CHD9NB: variants seen among roughly 807,000 people sequenced by gnomAD.
The protein encoded by CHD9NB is CHD9 neighbor.
At chr16:53,037,662 G>A in the CHD9NB span, among the ~76,000 whole-genome samples, 11 of 152,286 alleles carry the variant, frequency 7.2e-5, no homozygotes, top group East Asian at 2.1e-3. Context: ...TGTCAGATAA[G>A]GGAAGTTCAG....
At chr16:53,046,187 G>C in the CHD9NB span, among the ~76,000 whole-genome samples, 1 of 152,064 alleles carries the variant, frequency 6.6e-6, no homozygotes, top group South Asian at 2.1e-4. Flanking sequence ...TCCTTATTTG[G>C]ATATTGGGAT....
the CHD9NB span, among the ~76,000 whole-genome samples, chr16:53,038,732 G>A: frequency 6.6e-6 from 1 of 152,100 alleles, no homozygotes; most frequent in East Asian, 1.9e-4. Flanking sequence ...GAGAGATTGG[G>A]CTTAATTCAG....
the CHD9NB span, among the ~76,000 whole-genome samples, chr16:53,038,675 A>AC: frequency 1.3e-5 from 2 of 151,110 alleles, no homozygotes; most frequent in African/African-American, 4.9e-5. Flanking sequence ...TAACCATCAC[A>AC]CCCCCCCTGC....
chr16:53,042,092 A>C, the CHD9NB span, among the ~76,000 whole-genome samples: 3 of 151,980 alleles, frequency 2.0e-5, 1 homozygote, highest in South Asian at 6.2e-4. Context: ...AAAGAATCTC[A>C]ATCAGTTTCT....
At chr16:53,044,736 A>G in the CHD9NB span, among the ~76,000 whole-genome samples, 1 of 152,218 alleles carries the variant, frequency 6.6e-6, no homozygotes, top group East Asian at 1.9e-4. Context: ...ACTCTGTGCC[A>G]AGAACAGTTC....
chr16:53,049,012 T>A, the CHD9NB span, among the ~76,000 whole-genome samples: 2 of 152,120 alleles, frequency 1.3e-5, no homozygotes, highest in Non-Finnish European at 2.9e-5. Flanking sequence ...CTCTTGGTTT[T>A]TTATTTATTT....
the CHD9NB span, among the ~76,000 whole-genome samples, chr16:53,039,910 T>C: frequency 1.4e-4 from 21 of 151,994 alleles, no homozygotes; most frequent in South Asian, 4.4e-3. Flanking sequence ...GGGTTCCCCA[T>C]GAGGAAAAAG....
chr16:53,048,389 G>C, the CHD9NB span, among the ~76,000 whole-genome samples: 1 of 152,146 alleles, frequency 6.6e-6, no homozygotes, highest in Admixed American at 6.6e-5. Flanking sequence ...ACTCCAGCCT[G>C]GGCTAAAGAG....
the CHD9NB span, among the ~76,000 whole-genome samples, chr16:53,049,016 T>C: frequency 1.3e-5 from 2 of 152,144 alleles, no homozygotes; most frequent in Admixed American, 1.3e-4. Flanking sequence ...TGGTTTTTTA[T>C]TTATTTGTTT....
chr16:53,036,503 GTA>G, the CHD9NB span, among the ~76,000 whole-genome samples: 1 of 152,140 alleles, frequency 6.6e-6, no homozygotes, highest in African/African-American at 2.4e-5. Flanking sequence ...TCCCCTCAGG[GTA>G]TATGTGTGTG....
chr16:53,044,094 C>T, the CHD9NB span: 59 of 398,830 alleles, frequency 1.5e-4, no homozygotes, highest in Non-Finnish European at 2.2e-4. Flanking sequence ...TCTTCCCTCG[C>T]GCTCTTCTTC....
chr16:53,042,730 T>A, the CHD9NB span: 1 of 152,372 alleles, frequency 6.6e-6, no homozygotes, highest in South Asian at 2.1e-4. Context: ...TGGTCCTCAC[T>A]ATGCACAGGC....
At chr16:53,041,326 G>C in the CHD9NB span, among the ~76,000 whole-genome samples, 1 of 152,222 alleles carries the variant, frequency 6.6e-6, no homozygotes, top group African/African-American at 2.4e-5. Flanking sequence ...GGAGACAGAC[G>C]AGTGATGCTA....
At chr16:53,051,038 C>A in the CHD9NB span, among the ~76,000 whole-genome samples, 2 of 152,114 alleles carry the variant, frequency 1.3e-5, no homozygotes, top group Non-Finnish European at 2.9e-5. Flanking sequence ...CAGGCGCCCA[C>A]CACCATGCCC....
chr16:53,044,466 C>A, the CHD9NB span, among the ~76,000 whole-genome samples: 3 of 152,328 alleles, frequency 2.0e-5, no homozygotes, highest in Admixed American at 6.5e-5. Flanking sequence ...ACCACCACCT[C>A]CTAGTTACCT....
the CHD9NB span, among the ~76,000 whole-genome samples, chr16:53,049,402 C>T: frequency 2.0e-5 from 3 of 151,808 alleles, no homozygotes; most frequent in East Asian, 5.8e-4. Context: ...TCTCGAACTC[C>T]TGGCATCAAG....
the CHD9NB span, chr16:53,043,378 C>G: frequency 2.6e-5 from 4 of 152,156 alleles, no homozygotes; most frequent in Admixed American, 6.5e-5. Flanking sequence ...TCCATGCCCC[C>G]CTTACTGGAG....
chr16:53,047,674 C>T, the CHD9NB span, among the ~76,000 whole-genome samples: 5 of 152,164 alleles, frequency 3.3e-5, no homozygotes, highest in Admixed American at 6.5e-5. Flanking sequence ...CAAATATAGT[C>T]ACATTGGAGT....
the CHD9NB span, among the ~76,000 whole-genome samples, chr16:53,039,009 C>G: frequency 1.3e-5 from 2 of 152,074 alleles, no homozygotes; most frequent in Non-Finnish European, 2.9e-5. Flanking sequence ...TTAAACCTGC[C>G]CCTCCTTGTA....
Sources: gnomAD v4.1 joint callset for allele counts (sites outside exome capture counted in the v4.1 genomes callset) on GRCh38, gnomAD v4.1.1 for gene constraint, MANE v1.5 for transcripts, NCBI Gene and HGNC (gene_info 2026-07-23, HGNC 2026-07-21) for gene names.